Variants in MACROD2 observed in about 807,000 individuals in gnomAD.
MACROD2 encodes the protein ADP-ribose glycohydrolase MACROD2.
In MACROD2, 36 loss-of-function variants were observed where a neutral mutation model predicts 70.4. The observed-to-expected ratio is 0.51, with a 90% CI of 0.39 to 0.68. The LOEUF (loss-of-function observed/expected upper bound fraction) is 0.68. MACROD2 is among the 30% of genes least tolerant of loss of function. The pLI is 0.00. For synonymous variants in MACROD2, 172 were observed against 178.8 expected, an observed-to-expected ratio of 0.96 and a Z score of 0.30; for missense variants, 496 against 538.4, an observed-to-expected ratio of 0.92 and a Z score of 0.78.
At chr20:15,473,484 A>G (rs1360342106) in intron 7 of MACROD2, among the ~76,000 whole-genome samples, 4 of 152,200 alleles carry the variant, frequency 2.6e-5, no homozygotes, top group African/African-American at 9.6e-5. Flanking sequence ...CCCATTTATC[A>G]TCTATCAGGG....
At chr20:16,042,001 G>A (rs2067314165) in intron 16 of MACROD2, among the ~76,000 whole-genome samples, 1 of 152,104 alleles carries the variant, frequency 6.6e-6, no homozygotes, top group Middle Eastern at 3.4e-3. Flanking sequence ...TGGTTAGGTG[G>A]TCAGTCATTT....
intron 2 of MACROD2, among the ~76,000 whole-genome samples, chr20:14,085,174 A>AG (rs1479929288): frequency 6.6e-6 from 1 of 150,876 alleles, no homozygotes; most frequent in Non-Finnish European, 1.5e-5. Flanking sequence ...TCCAAAAAAA[A>AG]AGGAAGTAGC....
At chr20:15,260,755 C>G (rs1437164729) in intron 6 of MACROD2, among the ~76,000 whole-genome samples, 1 of 151,952 alleles carries the variant, frequency 6.6e-6, no homozygotes, top group African/African-American at 2.4e-5. Flanking sequence ...CTCCTCCCCT[C>G]TCTCCAAATC....
intron 3 of MACROD2, among the ~76,000 whole-genome samples, chr20:14,452,518 A>C (rs2084256493): frequency 6.6e-6 from 1 of 152,132 alleles, no homozygotes; most frequent in South Asian, 2.1e-4. Context: ...CACCAGTAAC[A>C]GTCTTATTAT....
chr20:14,208,252 C>G (rs2081542298), intron 3 of MACROD2, among the ~76,000 whole-genome samples: 1 of 152,018 alleles, frequency 6.6e-6, no homozygotes. Context: ...GAATCATCTC[C>G]CTTTGTGGGG....
intron 5 of MACROD2, among the ~76,000 whole-genome samples, chr20:14,964,633 G>C (rs1032256284): frequency 6.6e-5 from 10 of 151,968 alleles, no homozygotes; most frequent in Non-Finnish European, 1.3e-4. Flanking sequence ...AGCATCCCTG[G>C]ATTCCAAATA....
intron 5 of MACROD2, among the ~76,000 whole-genome samples, chr20:15,142,831 C>T (rs6074849): frequency 2.0e-5 from 3 of 151,812 alleles, no homozygotes; most frequent in Non-Finnish European, 4.4e-5. Context: ...TCCCTACAAA[C>T]GACATGAACT....
chr20:15,519,332 G>A lies in MACROD2; in HGVS notation c.645+19485G>A, dbSNP rs148409550. ...GTAGAGACAGGGTTTCACCGTGTTA[G>A]CCAGGATGGCCTCGATCTCCTTACC... On this transcript the variant is annotated intron_variant, in intron 8 of 17. Transcript: ENST00000684519. Among the ~76,000 whole-genome samples, 281 of 152,046 alleles carry A rather than the reference G, an allele frequency of 1.8e-3. 7 individuals carry two copies. The East Asian group carries it at 0.033, about 18-fold the overall frequency.
chr20:14,727,450 A>G (rs1021718084), intron 5 of MACROD2, among the ~76,000 whole-genome samples: 2 of 151,988 alleles, frequency 1.3e-5, no homozygotes, highest in African/African-American at 4.8e-5. Context: ...TAGGAGGATC[A>G]TTTGAGCCTG....
intron 2 of MACROD2, chr20:14,003,613 G>A (rs1345172489): frequency 2.2e-6 from 1 of 454,482 alleles, no homozygotes; most frequent in Non-Finnish European, 4.4e-6. Flanking sequence ...GGAACCCAAA[G>A]ATGATTTGCT....
chr20:14,748,085 C>T (rs925188017), intron 5 of MACROD2, among the ~76,000 whole-genome samples: 5 of 152,068 alleles, frequency 3.3e-5, no homozygotes, highest in African/African-American at 1.2e-4. Context: ...ACAAGATTCT[C>T]ATAGGAGGAT....
chr20:14,731,854 A>G (rs968595905), intron 5 of MACROD2, among the ~76,000 whole-genome samples: 2 of 152,160 alleles, frequency 1.3e-5, no homozygotes, highest in South Asian at 2.1e-4. Flanking sequence ...TTTTAAAACC[A>G]GACATTAAAG....
intron 6 of MACROD2, among the ~76,000 whole-genome samples, chr20:15,421,488 A>G (rs937154978): frequency 6.6e-6 from 1 of 152,214 alleles, no homozygotes; most frequent in Non-Finnish European, 1.5e-5. Context: ...TAAACATAGT[A>G]TAATCATACC....
chr20:15,010,906 C>T (rs1689258136), intron 5 of MACROD2, among the ~76,000 whole-genome samples: 1 of 152,036 alleles, frequency 6.6e-6, no homozygotes, highest in Admixed American at 6.6e-5. Flanking sequence ...TGTGTTTCTC[C>T]CATGTTTTTC....
intron 7 of MACROD2, among the ~76,000 whole-genome samples, chr20:15,493,592 T>C (rs964568294): frequency 9.2e-5 from 14 of 152,194 alleles, no homozygotes; most frequent in African/African-American, 3.1e-4. Context: ...ATATTTGAAT[T>C]TTATATCAGG....
At chr20:15,321,064 C>G (rs1263631803) in intron 6 of MACROD2, among the ~76,000 whole-genome samples, 1 of 152,110 alleles carries the variant, frequency 6.6e-6, no homozygotes, top group African/African-American at 2.4e-5. Context: ...AGTGAGAATC[C>G]CTGGCAGCTT....
At chr20:15,901,670 C>T (rs534640195) in intron 10 of MACROD2, among the ~76,000 whole-genome samples, 2 of 152,178 alleles carry the variant, frequency 1.3e-5, no homozygotes, top group Non-Finnish European at 2.9e-5. Context: ...CATCTTAAGT[C>T]AAGGAGCATC....
intron 4 of MACROD2, among the ~76,000 whole-genome samples, chr20:14,571,427 A>C (rs1980184144): frequency 6.6e-6 from 1 of 152,064 alleles, no homozygotes. Flanking sequence ...TCATGGTTGG[A>C]AATTAACCTG....
intron 2 of MACROD2, among the ~76,000 whole-genome samples, chr20:14,014,326 T>G (rs2052957295): frequency 6.8e-6 from 1 of 147,666 alleles, no homozygotes; most frequent in African/African-American, 2.5e-5. Flanking sequence ...GACAGAGAAA[T>G]TGTATTTCAT....
Sources: allele counts gnomAD v4.1 joint callset (sites outside exome capture counted in the v4.1 genomes callset), GRCh38; gene constraint gnomAD v4.1.1; transcripts MANE v1.5; gene names NCBI Gene and HGNC (gene_info 2026-07-23, HGNC 2026-07-21).